Variants in MEIKIN observed in about 807,000 individuals in gnomAD.
The protein encoded by MEIKIN is meiotic kinetochore factor, also known as meiosis-specific kinetochore protein.
intron 8 of MEIKIN, among the ~76,000 whole-genome samples, chr5:131,901,906 A>G (rs6893070): frequency 0.37 from 55,656 of 152,020 alleles, 12,283 homozygotes; most frequent in African/African-American, 0.63. Context: ...CATGAGATTT[A>G]GAAGTGGGTC....
intron 5 of MEIKIN, among the ~76,000 whole-genome samples, chr5:131,925,455 A>G (rs1037289418): frequency 2.0e-5 from 3 of 152,154 alleles, no homozygotes; most frequent in Admixed American, 6.5e-5. Context: ...AATTTTATTC[A>G]TCATTGTTTT....
At chr5:131,853,816 AACT>A (rs1361871385) in intron 10 of MEIKIN, among the ~76,000 whole-genome samples, 10 of 152,188 alleles carry the variant, frequency 6.6e-5, no homozygotes, top group Admixed American at 3.9e-4. Flanking sequence ...CATCCATAAG[AACT>A]ACTATTACAA....
At position 131,934,239 on chromosome 5, in the gene MEIKIN, G is replaced by A. The variant is rs566330741; in HGVS notation, c.350-598C>T. ...GCCTCCCAAAGTACTAGGATTATAG[G>A]CGTGAGCCACCGTGCCCAGCCAAAA... On this transcript the variant is annotated intron_variant, in intron 4 of 12. Coordinates refer to ENST00000442687, the MANE Select transcript of MEIKIN (RefSeq NM_001303622.2). Among the ~76,000 whole-genome samples the A allele has an allele frequency of 2.0e-5, 3 of 151,930 alleles. No homozygotes were observed. In the East Asian group the frequency reaches 5.8e-4, roughly 29 times the overall value.
chr5:131,895,225 T>G lies in MEIKIN; in HGVS notation c.704-16177A>C, dbSNP rs536409527. On this transcript the variant is annotated intron_variant, in intron 8 of 12. Coordinates refer to ENST00000442687, the MANE Select transcript of MEIKIN (RefSeq NM_001303622.2). Reference sequence around the variant, plus strand: ...GCATTTGTTGAACCAGCCTTGCATTTCAGGGATGAAGCCCACTGGATCATG... The same window carrying G: ...GCATTTGTTGAACCAGCCTTGCATTGCAGGGATGAAGCCCACTGGATCATG... Among the ~76,000 whole-genome samples the G allele has an allele frequency of 3.3e-5, 5 of 152,314 alleles. No individual in the cohort carries two copies. In the East Asian group the frequency reaches 9.6e-4, roughly 29 times the overall value.
intron 9 of MEIKIN, among the ~76,000 whole-genome samples, chr5:131,869,081 A>G (rs1422978362): frequency 6.6e-6 from 1 of 152,162 alleles, no homozygotes; most frequent in Non-Finnish European, 1.5e-5. Context: ...ATTTTATCCT[A>G]TGTTATCTTC....
intron 12 of MEIKIN, among the ~76,000 whole-genome samples, chr5:131,815,180 C>T (rs1050382543): frequency 2.6e-5 from 4 of 152,148 alleles, no homozygotes. Context: ...AAAAGAATTT[C>T]AGTATGAGTC....
At chr5:131,865,090 T>C (rs1262629713) in intron 9 of MEIKIN, among the ~76,000 whole-genome samples, 1 of 152,170 alleles carries the variant, frequency 6.6e-6, no homozygotes, top group Non-Finnish European at 1.5e-5. Flanking sequence ...ATAATATCCA[T>C]CTCTTTGGTA....
chr5:131,938,975 CT>C (rs1316597808), intron 4 of MEIKIN, among the ~76,000 whole-genome samples: 2 of 152,200 alleles, frequency 1.3e-5, no homozygotes, highest in African/African-American at 4.8e-5. Context: ...CAGTCTTCTC[CT>C]GGGGACAGAA....
chr5:131,913,030 T>A (rs1030423485), intron 7 of MEIKIN, among the ~76,000 whole-genome samples: 1 of 152,248 alleles, frequency 6.6e-6, no homozygotes, highest in Non-Finnish European at 1.5e-5. Context: ...GATATAGTTA[T>A]GTGCCATTGG....
intron 8 of MEIKIN, among the ~76,000 whole-genome samples, chr5:131,891,363 T>A (rs1171052540): frequency 6.6e-6 from 1 of 152,226 alleles, no homozygotes; most frequent in East Asian, 1.9e-4. Flanking sequence ...AGTCTCTTTG[T>A]AGGTCACTAA....
intron 9 of MEIKIN, among the ~76,000 whole-genome samples, chr5:131,855,210 T>G (rs1477641985): frequency 6.6e-6 from 1 of 152,214 alleles, no homozygotes; most frequent in African/African-American, 2.4e-5. Flanking sequence ...AGCATTTAAT[T>G]CTTAGTATAT....
intron 12 of MEIKIN, among the ~76,000 whole-genome samples, chr5:131,816,220 T>C (rs1026327600): frequency 4.6e-5 from 7 of 152,230 alleles, no homozygotes; most frequent in Admixed American, 1.3e-4. Flanking sequence ...AATGGATGCA[T>C]AGTTGATAAG....
intron 12 of MEIKIN, among the ~76,000 whole-genome samples, chr5:131,815,505 G>A (rs1773086297): frequency 6.6e-6 from 1 of 152,180 alleles, no homozygotes. Context: ...TGGCTTAGAG[G>A]TCTTAGTTCC....
chr5:131,885,414 A>G (rs1314298256), intron 8 of MEIKIN, among the ~76,000 whole-genome samples: 6 of 97,378 alleles, frequency 6.2e-5, no homozygotes, highest in Admixed American at 3.3e-4. Flanking sequence ...AGAGAGAGAG[A>G]GAGAGAGAGA....
intron 11 of MEIKIN, among the ~76,000 whole-genome samples, chr5:131,820,181 C>T (rs1262568995): frequency 2.0e-5 from 3 of 150,690 alleles, no homozygotes; most frequent in Non-Finnish European, 4.4e-5. Context: ...AAGTGATTCT[C>T]CTGCCTCAGC....
At chr5:131,917,808 A>G (rs561148458) in intron 6 of MEIKIN, among the ~76,000 whole-genome samples, 28 of 152,212 alleles carry the variant, frequency 1.8e-4, no homozygotes, top group Non-Finnish European at 2.9e-4. Flanking sequence ...AATCTCACCA[A>G]TTAAGAGGAG....
At chr5:131,819,419 G>A (rs1356655414) in intron 11 of MEIKIN, among the ~76,000 whole-genome samples, 2 of 130,486 alleles carry the variant, frequency 1.5e-5, no homozygotes, top group South Asian at 2.8e-4. Flanking sequence ...AGAGGCAGAG[G>A]GGGAGGGAGA....
At chr5:131,927,584 G>A (rs1231489904) in intron 5 of MEIKIN, among the ~76,000 whole-genome samples, 1 of 152,094 alleles carries the variant, frequency 6.6e-6, no homozygotes, top group Non-Finnish European at 1.5e-5. Flanking sequence ...CACAATTATT[G>A]TATTACTATT....
intron 8 of MEIKIN, among the ~76,000 whole-genome samples, chr5:131,901,459 A>G (rs963605333): frequency 3.9e-5 from 6 of 152,072 alleles, no homozygotes; most frequent in African/African-American, 1.4e-4. Flanking sequence ...CTGCATGGAC[A>G]CTGGTACCCC....
Sources: gnomAD v4.1 joint callset for allele counts (sites outside exome capture counted in the v4.1 genomes callset) on GRCh38, gnomAD v4.1.1 for gene constraint, MANE v1.5 for transcripts, NCBI Gene and HGNC (gene_info 2026-07-23, HGNC 2026-07-21) for gene names.